The following ARHGAP20 variants were observed in gnomAD, a reference collection of about 807,000 sequenced individuals.
The protein encoded by ARHGAP20 is rho GTPase-activating protein 20.
In ARHGAP20, 34 loss-of-function variants were observed where a neutral mutation model predicts 73.7. The ratio of observed to expected loss-of-function variants is 0.46; its 90% CI spans 0.35 to 0.61. ARHGAP20 has a LOEUF of 0.61. Ranked by LOEUF, ARHGAP20 falls within the 20% of genes least tolerant of loss-of-function variation. The probability of loss-of-function intolerance (pLI) is 0.00; values close to 1 mark genes in which losing one functional copy is unlikely to be tolerated. For synonymous variants in ARHGAP20, 523 were observed against 518.2 expected, an observed-to-expected ratio of 1.01 and a Z score of -0.13; for missense variants, 1,314 against 1,420.9, an observed-to-expected ratio of 0.92 and a Z score of 1.21.
At chr11:110,667,127 AT>A (rs1591158211) in intron 2 of ARHGAP20, among the ~76,000 whole-genome samples, 1 of 152,236 alleles carries the variant, frequency 6.6e-6, no homozygotes, top group Non-Finnish European at 1.5e-5. Context: ...AGCTAAGATA[AT>A]TGATGAAAAT....
At chr11:110,584,061 G>A (rs1177159892) in intron 12 of ARHGAP20, among the ~76,000 whole-genome samples, 1 of 152,028 alleles carries the variant, frequency 6.6e-6, no homozygotes, top group African/African-American at 2.4e-5. Context: ...GGCCAATCCT[G>A]TAACATTTCA....
At position 110,619,705 on chromosome 11, in the gene ARHGAP20, T is replaced by C. The variant is rs192552078; in HGVS notation, c.504-4111A>G. Among the ~76,000 whole-genome samples, 379 of 151,618 alleles carry C rather than the reference T, an allele frequency of 2.5e-3. 3 individuals carry two copies. The highest frequency in any genetic ancestry group is 6.7e-3 in the South Asian group (32 of 4,766). On this transcript the variant is annotated intron_variant, in intron 4 of 14. Transcript: ENST00000683387. ...AGAGTATATGTAGTGATAGAGTATA[T>C]ACAGTGATAGAGTATATGTAGTGAT...
At chr11:110,693,442 T>C (rs952706123) in intron 1 of ARHGAP20, among the ~76,000 whole-genome samples, 1 of 151,934 alleles carries the variant, frequency 6.6e-6, no homozygotes, top group African/African-American at 2.4e-5. Flanking sequence ...ACATTAAGTG[T>C]CCACCAAAGA....
rs74818986 is a variant in ARHGAP20 at position 110,668,785 on chromosome 11, T to A, written c.188+21762A>T. ...AAATTCATGCAACTCACTTTAATAT[T>A]TGCCTTTTTTGGCAGTCTGTAATTG... On this transcript the variant is annotated intron_variant, in intron 2 of 14. Transcript: ENST00000683387. Among the ~76,000 whole-genome samples the A allele has an allele frequency of 9.3e-4, 142 of 152,370 alleles. 2 individuals carry two copies. In the East Asian group the frequency reaches 0.025, roughly 26 times the overall value.
chr11:110,594,956 G>A (rs1947918126), intron 9 of ARHGAP20, among the ~76,000 whole-genome samples: 1 of 151,292 alleles, frequency 6.6e-6, no homozygotes, highest in African/African-American at 2.4e-5. Flanking sequence ...TGATCCAGTG[G>A]GCTTCATCCC....
rs572640264 is a variant in ARHGAP20 at position 110,624,154 on chromosome 11, G to A, written c.503+8C>T. ...CCAGGTAAATAGAGGACAAGCTGTGGTTCTTACCTGAAAGTGGCCACAAAG... is the reference window on the plus strand; with the variant it reads ...CCAGGTAAATAGAGGACAAGCTGTGATTCTTACCTGAAAGTGGCCACAAAG... On this transcript the variant is annotated splice_region_variant and intron_variant, in intron 4 of 14. Transcript: ENST00000683387. The A allele has an allele frequency of 2.5e-6, 4 of 1,609,030 alleles. No homozygotes were observed. The African/African-American group carries it at 5.4e-5, about 22-fold the overall frequency.
rs1947319827 is a variant in ARHGAP20 at position 110,577,536 on chromosome 11, T to A, written c.*1834A>T. On this transcript the variant is annotated 3_prime_UTR_variant, in exon 15 of 15. Coordinates refer to ENST00000683387, the MANE Select transcript of ARHGAP20 (RefSeq NM_001384657.1). Reference sequence around the variant, plus strand: ...CAAGCCGTTAAGAGCTTCATTCACATCTTGCAGTTCTGACTGACAGTAGTA... The same window carrying A: ...CAAGCCGTTAAGAGCTTCATTCACAACTTGCAGTTCTGACTGACAGTAGTA... 1.0e-6 allele frequency: 1 copy of A among 993,438 alleles called. No homozygotes were observed. The highest frequency in any genetic ancestry group is 1.2e-6 in the Non-Finnish European group (1 of 835,474). 61.5% of individuals were successfully genotyped at this position (993,438 alleles called of 1,614,324 possible).
chr11:110,660,748 CT>C (rs1949590987), intron 2 of ARHGAP20, among the ~76,000 whole-genome samples: 1 of 152,250 alleles, frequency 6.6e-6, no homozygotes, highest in East Asian at 1.9e-4. Context: ...TGTGCTGTTG[CT>C]ATTCTTTTGA....
At chr11:110,652,280 A>G (rs894756249) in intron 2 of ARHGAP20, among the ~76,000 whole-genome samples, 7 of 152,196 alleles carry the variant, frequency 4.6e-5, no homozygotes, top group Non-Finnish European at 8.8e-5. Context: ...AGCCAGTATC[A>G]TACTGAATGG....
rs1358193304 is a variant in ARHGAP20, at chr11:110,592,090, T to C, written c.1030A>G (p.Ser344Gly). 24 of 1,614,202 alleles carry C rather than the reference T, an allele frequency of 1.5e-5. No individual in the cohort carries two copies. Among genetic ancestry groups the C allele is most frequent in the Non-Finnish European group, 1.9e-5 (23 of 1,179,996 alleles). ...GAGGGCAAGTTGTCCAGGTGAGTGC[T>C]AGAACCTCGCCAGAAGGCCCAGTTT... ...IINWAFWRGS[S>G]THLDNLPSSP... Residue 344 changes from serine to glycine, a missense_variant, in exon 10 of 15, where the codon AGC (serine) becomes GGC (glycine). Around this residue, in one of 3 missense-constraint regions of ARHGAP20, gnomAD observed 443 missense variants for 466.4 expected, o/e 0.95. Coordinates refer to ENST00000683387, the MANE Select transcript of ARHGAP20 (RefSeq NM_001384657.1).
At chr11:110,686,415 T>C (rs568748829) in intron 2 of ARHGAP20, among the ~76,000 whole-genome samples, 1 of 152,172 alleles carries the variant, frequency 6.6e-6, no homozygotes, top group South Asian at 2.1e-4. Flanking sequence ...TAAAAGGAAA[T>C]ACAAATGATT....
At chr11:110,625,232 T>A (rs968316066) in intron 3 of ARHGAP20, among the ~76,000 whole-genome samples, 4 of 151,034 alleles carry the variant, frequency 2.6e-5, no homozygotes, top group South Asian at 2.1e-4. Flanking sequence ...AGAGACGGGG[T>A]TTCACCTTGT....
At chr11:110,632,889 TG>T (rs1474885589) in intron 2 of ARHGAP20, among the ~76,000 whole-genome samples, 1 of 151,892 alleles carries the variant, frequency 6.6e-6, no homozygotes, top group Admixed American at 6.5e-5. Flanking sequence ...TCCAGTCCTT[TG>T]GCAGGTTATG....
chr11:110,705,429 C>T (rs1253279874), intron 1 of ARHGAP20, among the ~76,000 whole-genome samples: 1 of 152,176 alleles, frequency 6.6e-6, no homozygotes, highest in Non-Finnish European at 1.5e-5. Context: ...ACTGCACTAA[C>T]TATTTAGGTA....
At chr11:110,681,108 G>A (rs945327633) in intron 2 of ARHGAP20, among the ~76,000 whole-genome samples, 3 of 152,038 alleles carry the variant, frequency 2.0e-5, no homozygotes, top group African/African-American at 4.8e-5. Context: ...ACCTCACAAC[G>A]TATTGTCCAA....
chr11:110,712,129 T>G lies in ARHGAP20; in HGVS notation c.103A>C (p.Lys35Gln). The change falls in exon 1 of 15, where the codon AAG (lysine) becomes CAG (glutamine). Residue 35 changes from lysine to glutamine, a missense_variant and splice_region_variant. Lys to Gln is a moderately conservative substitution (Grantham distance 53, BLOSUM62 1). Transcript: ENST00000683387. ...SRLAGGSCTK[K>Q]KMKTLAERRR... ...GGGCCCCCGCTCAGCGTCCTCACCTTCTTGGTGCAGCTGCCTCCCGCGAGC... is the reference window on the plus strand; with the variant it reads ...GGGCCCCCGCTCAGCGTCCTCACCTGCTTGGTGCAGCTGCCTCCCGCGAGC... The G allele has an allele frequency of 7.4e-7, 1 of 1,351,454 alleles. No homozygotes were observed. Among genetic ancestry groups the G allele is most frequent in the Non-Finnish European group, 9.5e-7 (1 of 1,047,334 alleles). The allele number at this position is 1,351,454 out of a possible 1,614,324, so 83.7% of individuals were successfully genotyped here.
intron 1 of ARHGAP20, among the ~76,000 whole-genome samples, chr11:110,705,536 A>G (rs1176878668): frequency 1.3e-5 from 2 of 152,224 alleles, no homozygotes; most frequent in Non-Finnish European, 1.5e-5. Flanking sequence ...TTACACATGT[A>G]TAAGAAGATT....
At chr11:110,633,277 G>T (rs1948895285) in intron 2 of ARHGAP20, among the ~76,000 whole-genome samples, 1 of 152,068 alleles carries the variant, frequency 6.6e-6, no homozygotes, top group Admixed American at 6.6e-5. Context: ...AGGACTATAA[G>T]ATCTTTAAAT....
At position 110,624,315 on chromosome 11, in the gene ARHGAP20, G is replaced by C; in HGVS notation, c.354-4C>G. On this transcript the variant is annotated splice_polypyrimidine_tract_variant and splice_region_variant and intron_variant, in intron 3 of 14. Coordinates refer to ENST00000683387, the MANE Select transcript of ARHGAP20 (RefSeq NM_001384657.1). ...TATCTTAAAGTTATTGTTATATCTA[G>C]AAAGATAAAAACCAAACAGAACCTT... is the stretch of plus-strand genomic sequence containing the variant. 7.2e-6 allele frequency: 11 copies of C among 1,537,248 alleles called. No homozygotes were observed. Among genetic ancestry groups the C allele is most frequent in the Non-Finnish European group, 9.6e-6 (11 of 1,146,194 alleles).
Sources: allele counts gnomAD v4.1 joint callset (sites outside exome capture counted in the v4.1 genomes callset), GRCh38; gene constraint gnomAD v4.1.1; regional missense constraint gnomAD v4.1.1; transcripts MANE v1.5; gene names NCBI Gene and HGNC (gene_info 2026-07-23, HGNC 2026-07-21).